The following DLEU7 variants were observed in gnomAD, a reference collection of about 807,000 sequenced individuals.
DLEU7 encodes the protein leukemia-associated protein 7.
Under a neutral mutation model 16.0 loss-of-function variants are expected in DLEU7, and 17 were observed. The observed-to-expected ratio is 1.06, with a 90% CI of 0.73 to 1.59. The LOEUF (loss-of-function observed/expected upper bound fraction) is 1.59, where lower values mean the gene tolerates loss of function less well. Among genes scored for constraint, DLEU7 ranks in the 40% most tolerant of loss-of-function variants. DLEU7 has a pLI of 0.00. For synonymous variants in DLEU7, 113 were observed against 139.8 expected (o/e 0.81, Z 1.35); for missense variants, 308 against 314.9 (o/e 0.98, Z 0.17).
rs958270063 is a variant in DLEU7 at position 50,762,139 on chromosome 13, C to G, written c.460-48899G>C. Among the ~76,000 whole-genome samples, 5 of 131,320 alleles carry G rather than the reference C, an allele frequency of 3.8e-5. 1 individual carries two copies. The highest frequency in any genetic ancestry group is 2.9e-4 in the Admixed American group (3 of 10,520). The allele number at this position is 131,320 out of a possible 152,430, so 86.2% of individuals were successfully genotyped here. A position where few individuals can be genotyped will look rare whatever the true frequency, so the allele number is the denominator to read the frequency against. On this transcript the variant is annotated intron_variant, in intron 1 of 1. Transcript: ENST00000400393. The stretch of plus-strand genomic sequence containing the variant: ...CCGGGAGGCGGAGGTTGCAGTGAGC[C>G]AAGATCGCACCACTGCACTCCAGCC...
At chr13:50,794,880 A>AGTATGTAG (rs1379011645) in intron 1 of DLEU7, among the ~76,000 whole-genome samples, 1 of 152,028 alleles carries the variant, frequency 6.6e-6, no homozygotes, top group African/African-American at 2.4e-5. Flanking sequence ...TTGGAAATTA[A>AGTATGTAG]GTATGTAGTT....
chr13:50,841,078 C>A (rs905245500), intron 1 of DLEU7, among the ~76,000 whole-genome samples: 2 of 152,180 alleles, frequency 1.3e-5, no homozygotes, highest in East Asian at 3.9e-4. Flanking sequence ...TAGTCCATTG[C>A]CACTGAGTTG....
intron 1 of DLEU7, among the ~76,000 whole-genome samples, chr13:50,743,136 A>AAGAGAG (rs35675993): frequency 6.7e-6 from 1 of 150,150 alleles, no homozygotes; most frequent in African/African-American, 2.4e-5. Flanking sequence ...CTGTAAGAAA[A>AAGAGAG]AGAGAGAGAG....
chr13:50,751,653 AAGCT>A, intron 1 of DLEU7, among the ~76,000 whole-genome samples: 1 of 152,316 alleles, frequency 6.6e-6, no homozygotes, highest in South Asian at 2.1e-4. Context: ...CTCCTGAATT[AAGCT>A]AGGAGGGCTC....
chr13:50,712,983 A>C, exon 2 of DLEU7: 1 of 523,286 alleles, frequency 1.9e-6, no homozygotes, highest in Non-Finnish European at 3.4e-6. Context: ...TGGAGGTGAG[A>C]GAGGATAAAG....
At chr13:50,732,143 C>T (rs145708929) in intron 1 of DLEU7, among the ~76,000 whole-genome samples, 6 of 152,310 alleles carry the variant, frequency 3.9e-5, no homozygotes, top group Non-Finnish European at 7.4e-5. Context: ...CTGCCACCCA[C>T]GTTTCTATAA....
intron 1 of DLEU7, among the ~76,000 whole-genome samples, chr13:50,779,396 T>C (rs1875591872): frequency 1.3e-5 from 2 of 152,196 alleles, no homozygotes; most frequent in African/African-American, 2.4e-5. Context: ...GTTATTATTA[T>C]TATTCCTTGG....
rs1873770856 is a variant in DLEU7, at chr13:50,726,667, C to G, written c.460-13427G>C. 6.6e-6 allele frequency among the ~76,000 whole-genome samples: 1 copy of G among 152,002 alleles called. No homozygotes were observed. The highest frequency in any genetic ancestry group is 1.5e-5 in the Non-Finnish European group (1 of 68,022). ...TCATGTGTGTCATCGTTCTAAGAGCCCACTGGCTATGCCTTTTATTTCTCC... is the reference window on the plus strand; with the variant it reads ...TCATGTGTGTCATCGTTCTAAGAGCGCACTGGCTATGCCTTTTATTTCTCC... On this transcript the variant is annotated intron_variant, in intron 1 of 1. Coordinates refer to the DLEU7 transcript ENST00000400393. The surrounding 1 kb of genome is among the most constrained non-coding windows in gnomAD (Gnocchi z 4.0).
At chr13:50,753,907 T>C (rs1874672137) in intron 1 of DLEU7, among the ~76,000 whole-genome samples, 1 of 152,252 alleles carries the variant, frequency 6.6e-6, no homozygotes, top group African/African-American at 2.4e-5. Context: ...TTTTTTAATT[T>C]CCATCTTGAT....
intron 1 of DLEU7, among the ~76,000 whole-genome samples, chr13:50,810,051 T>C (rs191948561): frequency 3.3e-4 from 50 of 151,980 alleles, no homozygotes; most frequent in Non-Finnish European, 1.5e-4. Flanking sequence ...CTAACCCATT[T>C]TCTGCTTCAT....
intron 1 of DLEU7, among the ~76,000 whole-genome samples, chr13:50,799,221 T>A (rs568775749): frequency 6.6e-6 from 1 of 152,286 alleles, no homozygotes; most frequent in Non-Finnish European, 1.5e-5. Context: ...TATATGCATA[T>A]TACAACCTTC....
intron 1 of DLEU7, among the ~76,000 whole-genome samples, chr13:50,815,059 G>A (rs1436253882): frequency 6.6e-6 from 1 of 151,988 alleles, no homozygotes; most frequent in African/African-American, 2.4e-5. Flanking sequence ...AAATATTAAA[G>A]TGTCTGAGTT....
downstream of DLEU7, chr13:50,818,655 G>T (rs1213108482): frequency 6.6e-6 from 1 of 152,104 alleles, no homozygotes; most frequent in Non-Finnish European, 1.5e-5. Flanking sequence ...TCTAACAATG[G>T]AAATGTATTC....
chr13:50,742,111 ATTGC>A (rs1003942041), intron 1 of DLEU7, among the ~76,000 whole-genome samples: 1 of 152,158 alleles, frequency 6.6e-6, no homozygotes, highest in African/African-American at 2.4e-5. Context: ...ATTACTTAAA[ATTGC>A]TTGTCCCAGA....
At chr13:50,779,950 C>A (rs938890740) in intron 1 of DLEU7, among the ~76,000 whole-genome samples, 1 of 151,980 alleles carries the variant, frequency 6.6e-6, no homozygotes, top group African/African-American at 2.4e-5. Context: ...TTGAAGAATG[C>A]CCTATTAAGC....
rs899833821 is a variant in DLEU7 at position 50,843,489 on chromosome 13, C to A, written c.158G>T (p.Arg53Leu). 4.4e-6 allele frequency: 6 copies of A among 1,358,748 alleles called. No individual in the cohort carries two copies. The highest frequency in any genetic ancestry group is 5.6e-6 in the Non-Finnish European group (6 of 1,063,832). The allele number at this position is 1,358,748 out of a possible 1,614,324, so 84.2% of individuals were successfully genotyped here. Residue 53 changes from arginine (R) to leucine (L), a missense_variant, in exon 1 of 2, where the codon CGC becomes CTC. By Grantham distance (102) the Arg-to-Leu change is moderately radical (BLOSUM62 -2). Coordinates refer to ENST00000504404, the MANE Select transcript of DLEU7 (RefSeq NM_001306135.2). This position sits in a 1 kb window ranked among gnomAD's most constrained non-coding sequence, Gnocchi z 5.7. ...CGGCCGGGCCCGCGGCGGGCCTGAGCGACGGGCTGGAGCGGTGGACACGTG... is the reference window on the plus strand; with the variant it reads ...CGGCCGGGCCCGCGGCGGGCCTGAGAGACGGGCTGGAGCGGTGGACACGTG... ...PDHVSTAPAR[R>L]SGPPRARPGP...
exon 2 of DLEU7, chr13:50,712,918 G>T: frequency 2.7e-6 from 1 of 369,152 alleles, no homozygotes; most frequent in Non-Finnish European, 4.9e-6. Context: ...TAGGGAATTT[G>T]TCACGATCTT....
At chr13:50,746,629 G>C (rs767317201) in intron 1 of DLEU7, among the ~76,000 whole-genome samples, 1 of 151,978 alleles carries the variant, frequency 6.6e-6, no homozygotes, top group Non-Finnish European at 1.5e-5. Context: ...GCTTTCATTG[G>C]TGCAATTGTA....
At chr13:50,770,365 T>C (rs553840337) in intron 1 of DLEU7, among the ~76,000 whole-genome samples, 3 of 152,322 alleles carry the variant, frequency 2.0e-5, no homozygotes, top group Admixed American at 6.5e-5. Context: ...TCAAAGGGAA[T>C]GCTTCCAGGT....
Sources: gnomAD v4.1 joint callset for allele counts (sites outside exome capture counted in the v4.1 genomes callset) on GRCh38, gnomAD v4.1.1 for gene constraint, Gnocchi (gnomAD v3.1) non-coding constraint, MANE v1.5 for transcripts, NCBI Gene and HGNC (gene_info 2026-07-23, HGNC 2026-07-21) for gene names.